ARB2A: variants seen among roughly 807,000 people sequenced by gnomAD.
ARB2A encodes the protein cotranscriptional regulator ARB2A.
the ARB2A span, among the ~76,000 whole-genome samples, chr5:93,932,792 T>C: frequency 6.6e-6 from 1 of 152,196 alleles, no homozygotes; most frequent in Non-Finnish European, 1.5e-5. Flanking sequence ...AAGCTGAAGA[T>C]TCAATGCTAA....
At chr5:93,834,069 C>A in the ARB2A span, among the ~76,000 whole-genome samples, 3 of 152,124 alleles carry the variant, frequency 2.0e-5, no homozygotes, top group African/African-American at 7.2e-5. Flanking sequence ...TCCCATTTGA[C>A]ACAAAAACAT....
chr5:94,017,317 G>A, the ARB2A span, among the ~76,000 whole-genome samples: 4 of 152,160 alleles, frequency 2.6e-5, no homozygotes, highest in Admixed American at 6.5e-5. Context: ...AAGAAAGGTA[G>A]GAAGAAAATT....
chr5:93,994,411 T>A, the ARB2A span, among the ~76,000 whole-genome samples: 21 of 152,268 alleles, frequency 1.4e-4, no homozygotes, highest in Admixed American at 1.3e-3. Flanking sequence ...AACAGGCCAG[T>A]CACAGAATGA....
At chr5:93,620,473 T>TA in the ARB2A span, 1,878 of 136,492 alleles carry the variant, frequency 0.014, 31 homozygotes, top group African/African-American at 0.039. Flanking sequence ...GGAACTTCCT[T>TA]AAAAAAAAAA....
At chr5:93,904,257 T>G in the ARB2A span, among the ~76,000 whole-genome samples, 4 of 151,878 alleles carry the variant, frequency 2.6e-5, no homozygotes, top group Non-Finnish European at 5.9e-5. Context: ...AATTGTTGCC[T>G]GATAGGCAAC....
At chr5:93,741,389 C>T in the ARB2A span, 3 of 1,613,048 alleles carry the variant, frequency 1.9e-6, no homozygotes, top group South Asian at 1.1e-5. Context: ...CTCCACACGT[C>T]AGGGCCTGGG....
At chr5:93,683,422 G>C in the ARB2A span, 4 of 1,601,124 alleles carry the variant, frequency 2.5e-6, no homozygotes, top group Non-Finnish European at 3.4e-6. Context: ...TCAACCTTAA[G>C]ACCACTGGTG....
chr5:93,637,447 G>A, the ARB2A span, among the ~76,000 whole-genome samples: 1 of 139,678 alleles, frequency 7.2e-6, no homozygotes, highest in Admixed American at 7.9e-5. Context: ...TAATTTCTCT[G>A]GGATAAACTC....
chr5:93,712,498 G>A, the ARB2A span, among the ~76,000 whole-genome samples: 1 of 152,016 alleles, frequency 6.6e-6, no homozygotes, highest in Non-Finnish European at 1.5e-5. Context: ...ATATTAAGAA[G>A]GAAGATGTAC....
the ARB2A span, among the ~76,000 whole-genome samples, chr5:93,693,551 G>A: frequency 2.2e-5 from 3 of 136,672 alleles, no homozygotes; most frequent in East Asian, 6.4e-4. Flanking sequence ...CTGAAATTGA[G>A]GCAGTAATTA....
At chr5:93,688,793 C>A in the ARB2A span, among the ~76,000 whole-genome samples, 6 of 152,228 alleles carry the variant, frequency 3.9e-5, no homozygotes, top group Non-Finnish European at 7.4e-5. Flanking sequence ...CAAACTGATG[C>A]TTCTGCCCTA....
At chr5:93,621,014 G>C in the ARB2A span, 2 of 1,611,314 alleles carry the variant, frequency 1.2e-6, no homozygotes, top group Non-Finnish European at 1.7e-6. Flanking sequence ...TGATGCGGTG[G>C]GAGCGGCGCG....
At chr5:93,799,908 C>T in the ARB2A span, among the ~76,000 whole-genome samples, 4 of 152,032 alleles carry the variant, frequency 2.6e-5, no homozygotes, top group East Asian at 7.7e-4. Context: ...AGCATTTCCC[C>T]CGAACTGTAT....
At chr5:93,862,700 GA>G in the ARB2A span, 1 of 152,064 alleles carries the variant, frequency 6.6e-6, no homozygotes, top group Non-Finnish European at 1.5e-5. Flanking sequence ...AGAGAGTCAA[GA>G]AAAGTTTTAA....
the ARB2A span, among the ~76,000 whole-genome samples, chr5:93,640,661 T>A: frequency 6.7e-6 from 1 of 150,072 alleles, no homozygotes; most frequent in Non-Finnish European, 1.5e-5. Flanking sequence ...TACATATATA[T>A]ACACACATAT....
chr5:93,668,464 A>G, the ARB2A span, among the ~76,000 whole-genome samples: 2 of 152,254 alleles, frequency 1.3e-5, no homozygotes, highest in African/African-American at 4.8e-5. Context: ...AGCAAGGCAG[A>G]TGGCAGTCCA....
the ARB2A span, among the ~76,000 whole-genome samples, chr5:94,052,303 C>A: frequency 4.6e-5 from 7 of 152,260 alleles, no homozygotes; most frequent in East Asian, 1.3e-3. Flanking sequence ...ACTACTTCTA[C>A]TGGTATAAAA....
the ARB2A span, among the ~76,000 whole-genome samples, chr5:93,708,016 G>A: frequency 5.3e-5 from 8 of 152,124 alleles, no homozygotes; most frequent in Non-Finnish European, 8.8e-5. Context: ...TGCTATGAAT[G>A]CCCATATGCC....
the ARB2A span, among the ~76,000 whole-genome samples, chr5:93,697,987 A>T: frequency 6.6e-6 from 1 of 152,154 alleles, no homozygotes; most frequent in African/African-American, 2.4e-5. Context: ...TCTCAGACAT[A>T]TATTATTTTA....
Sources: gnomAD v4.1 joint callset for allele counts (sites outside exome capture counted in the v4.1 genomes callset) on GRCh38, gnomAD v4.1.1 for gene constraint, MANE v1.5 for transcripts, NCBI Gene and HGNC (gene_info 2026-07-23, HGNC 2026-07-21) for gene names.